The following PPP1R37 variants were observed in gnomAD, a reference collection of about 807,000 sequenced individuals.
PPP1R37 encodes protein phosphatase 1 regulatory subunit 37, also known as leucine rich repeat containing 68.
In PPP1R37, 21 loss-of-function variants were observed where a neutral mutation model predicts 61.0. That is an observed-to-expected ratio of 0.34 (90% CI 0.24 to 0.50). PPP1R37 has a LOEUF of 0.50. Among genes scored for constraint, PPP1R37 ranks in the 20% least tolerant of loss-of-function variants. The probability of loss-of-function intolerance (pLI) is 0.98; values close to 1 mark genes in which losing one functional copy is unlikely to be tolerated. For missense variants in PPP1R37, 910 were observed against 952.7 expected (o/e 0.96, Z 0.59); for synonymous variants, 443 against 433.5 (o/e 1.02, Z -0.27).
intron 1 of PPP1R37, among the ~76,000 whole-genome samples, chr19:45,098,514 G>A (rs1353572065): frequency 6.6e-6 from 1 of 152,210 alleles, no homozygotes; most frequent in African/African-American, 2.4e-5. Context: ...CCTCCAGTGT[G>A]TGTGCGTTGG....
Position 45,145,696 on chromosome 19 carries a change from G to A in PPP1R37, c.1640G>A (p.Gly547Asp), listed in dbSNP as rs1453861701. The stretch of plus-strand genomic sequence containing the variant: ...GGCCCTGGGGACAGGAGTCCCCCAG[G>A]CAGCCCCTCCACACCCACCGAGCAG... Reference protein sequence around the residue: ...SLGPGDRSPPGSPSTPTEQRI... With the variant: ...SLGPGDRSPPDSPSTPTEQRI... The change falls in exon 11 of 13, where the codon GGC becomes GAC. Residue 547 changes from glycine (G) to aspartate (D), a missense_variant. By Grantham distance (94) the Gly-to-Asp change is moderately conservative (BLOSUM62 -1). Transcript: ENST00000221462. The A allele has an allele frequency of 6.5e-7, 1 of 1,534,504 alleles. No individual in the cohort carries two copies. The highest frequency in any genetic ancestry group is 2.4e-5 in the East Asian group (1 of 40,878).
chr19:45,119,110 T>C (rs1968306805), intron 1 of PPP1R37, among the ~76,000 whole-genome samples: 1 of 151,716 alleles, frequency 6.6e-6, no homozygotes, highest in African/African-American at 2.4e-5. Flanking sequence ...TGCCCCAGCC[T>C]CCCGAGTAGC....
rs1202501558 is a variant in PPP1R37, at chr19:45,121,876, C to G, written c.203-16638C>G. On this transcript the variant is annotated intron_variant, in intron 1 of 12. Transcript: ENST00000221462. This position sits in a 1 kb window ranked among gnomAD's most constrained non-coding sequence, Gnocchi z 4.2. ...ACTGCATTGGGCTTACATGACTGAT[C>G]AGACTCTGATTCTGTGTGGAGCAGC... Among the ~76,000 whole-genome samples, 4 of 152,212 alleles carry G rather than the reference C, an allele frequency of 2.6e-5. No individual in the cohort carries two copies. Among genetic ancestry groups the G allele is most frequent in the Non-Finnish European group, 4.4e-5 (3 of 68,036 alleles).
rs1333015247 is a variant in PPP1R37, at chr19:45,130,961, T to C, written c.203-7553T>C. On this transcript the variant is annotated intron_variant, in intron 1 of 12. Coordinates refer to ENST00000221462, the MANE Select transcript of PPP1R37 (RefSeq NM_019121.2). This position sits in a 1 kb window ranked among gnomAD's most constrained non-coding sequence, Gnocchi z 4.4. ...CCGCACAGTGTTGCTTCCTGGTGTT[T>C]TGACTCCCACTTGGATGACTGTGTC... is the stretch of plus-strand genomic sequence containing the variant. Among the ~76,000 whole-genome samples the C allele has an allele frequency of 6.6e-6, 1 of 152,100 alleles. No individual in the cohort carries two copies. The highest frequency in any genetic ancestry group is 1.5e-5 in the Non-Finnish European group (1 of 68,008).
rs543079300 is a variant in PPP1R37, at chr19:45,117,331, A to G, written c.203-21183A>G. 1.5e-4 allele frequency among the ~76,000 whole-genome samples: 23 copies of G among 152,232 alleles called. No individual in the cohort carries two copies. In the East Asian group the frequency reaches 3.7e-3, roughly 24 times the overall value. On this transcript the variant is annotated intron_variant, in intron 1 of 12. Transcript: ENST00000221462. ...GTTGCAGACCCGGAGGCGGGAACAA[A>G]CCACAAAGCCTGTAGAGTGGCTGAG...
At chr19:45,107,869 A>G (rs997464135) in intron 1 of PPP1R37, among the ~76,000 whole-genome samples, 1 of 152,246 alleles carries the variant, frequency 6.6e-6, no homozygotes, top group African/African-American at 2.4e-5. Flanking sequence ...TTTTTTAGAA[A>G]GCATGATTTA....
In PPP1R37 at chr19:45,144,949, C is replaced by T. The variant is rs1968666725; in HGVS notation, c.1083C>T (p.Arg361=). Residue 361 remains arginine (R), a synonymous_variant, in exon 9 of 13, where the codon CGC becomes CGT. Transcript: ENST00000221462. ...TCAAGAACGGGCTCATCAGCAACCG[C>T]AGCGTGCTGCGCCTCGGGCTGGCCT... The part of the protein sequence containing the change: ...RHLKNGLISN[R]SVLRLGLAST... The T allele has an allele frequency of 1.3e-6, 2 of 1,535,702 alleles. No individual in the cohort carries two copies. Among genetic ancestry groups the T allele is most frequent in the East Asian group, 4.9e-5 (2 of 40,906 alleles).
chr19:45,125,171 A>G (rs1968388621), intron 1 of PPP1R37, among the ~76,000 whole-genome samples: 3 of 152,078 alleles, frequency 2.0e-5, no homozygotes, highest in Admixed American at 2.0e-4. Context: ...TATCTCTTTA[A>G]TCTCTGAGCT....
intron 1 of PPP1R37, among the ~76,000 whole-genome samples, chr19:45,099,083 C>T (rs906699920): frequency 1.6e-4 from 24 of 152,124 alleles, no homozygotes; most frequent in African/African-American, 2.4e-5. Context: ...CAAATGCCTC[C>T]CTTGTTATTC....
Position 45,121,726 on chromosome 19 carries a change from G to A in PPP1R37, c.203-16788G>A, listed in dbSNP as rs949404699. Among the ~76,000 whole-genome samples, 2 of 152,332 alleles carry A rather than the reference G, an allele frequency of 1.3e-5. No homozygotes were observed. The highest frequency in any genetic ancestry group is 1.9e-4 in the East Asian group (1 of 5,178). Reference sequence around the variant, plus strand: ...CGCGGTGGGGTGCTGGGGCCTCCACGGGCGTCATTCTGTGGTTGCTCCAGG... The same window carrying A: ...CGCGGTGGGGTGCTGGGGCCTCCACAGGCGTCATTCTGTGGTTGCTCCAGG... On this transcript the variant is annotated intron_variant, in intron 1 of 12. Transcript: ENST00000221462. The surrounding 1 kb of genome is among the most constrained non-coding windows in gnomAD (Gnocchi z 4.2).
chr19:45,119,938 G>A (rs1055492692), intron 1 of PPP1R37, among the ~76,000 whole-genome samples: 29 of 152,064 alleles, frequency 1.9e-4, no homozygotes, highest in Admixed American at 1.8e-3. Context: ...CCTGGTTCCC[G>A]GCTGCTTCAC....
At chr19:45,111,400 G>A (rs1168998565) in intron 1 of PPP1R37, among the ~76,000 whole-genome samples, 1 of 152,000 alleles carries the variant, frequency 6.6e-6, no homozygotes, top group African/African-American at 2.4e-5. Context: ...ACAGCCTCCT[G>A]AGTAGCTGGG....
In PPP1R37 at chr19:45,121,719, C is replaced by T. The variant is rs550516386; in HGVS notation, c.203-16795C>T. On this transcript the variant is annotated intron_variant, in intron 1 of 12. Coordinates refer to ENST00000221462, the MANE Select transcript of PPP1R37 (RefSeq NM_019121.2). This position sits in a 1 kb window ranked among gnomAD's most constrained non-coding sequence, Gnocchi z 4.2. ...GGATGCCCGCGGTGGGGTGCTGGGG[C>T]CTCCACGGGCGTCATTCTGTGGTTG... Among the ~76,000 whole-genome samples, 5 of 152,286 alleles carry T rather than the reference C, an allele frequency of 3.3e-5. No homozygotes were observed. The East Asian group carries it at 9.7e-4, about 29-fold the overall frequency.
At chr19:45,145,305 G>A (rs1438901414) in intron 10 of PPP1R37, 45 bp downstream of exon 10, 18 of 1,521,166 alleles carry the variant, frequency 1.2e-5, no homozygotes, top group Middle Eastern at 1.7e-4. Flanking sequence ...GCGGAAGGCC[G>A]GGTGGTGGGG....
Position 45,145,781 on chromosome 19 carries a change from G to A in PPP1R37, c.1725G>A (p.Glu575=). 1 of 1,509,578 alleles carries A rather than the reference G, an allele frequency of 6.6e-7. No individual in the cohort carries two copies. Among genetic ancestry groups the A allele is most frequent in the Admixed American group, 2.0e-5 (1 of 49,308 alleles). 93.5% of individuals were successfully genotyped at this position (1,509,578 alleles called of 1,614,324 possible). Residue 575 remains glutamate, a synonymous_variant, in exon 11 of 13, where the codon GAG becomes GAA. Transcript: ENST00000221462. ...GHKVFVVTRV[E]SPPERAEPPA... ...AGGTGTTTGTGGTGACCCGGGTGGA[G>A]AGCCCGCCCGAGAGGGCAGAGCCCC...
intron 1 of PPP1R37, among the ~76,000 whole-genome samples, chr19:45,109,453 A>C (rs1019571229): frequency 1.3e-5 from 2 of 152,118 alleles, no homozygotes; most frequent in Non-Finnish European, 2.9e-5. Context: ...CCGGCCTGGG[A>C]AAAGGGTTAG....
In PPP1R37 at chr19:45,141,404, C is replaced by T. The variant is rs760184373; in HGVS notation, c.530C>T (p.Thr177Ile). Residue 177 changes from threonine (T) to isoleucine (I), a missense_variant, in exon 5 of 13, where the codon ACC becomes ATC. This residue lies in a region of PPP1R37 where 280 missense variants were observed against 382.2 expected (regional missense o/e 0.73). Coordinates refer to ENST00000221462, the MANE Select transcript of PPP1R37 (RefSeq NM_019121.2). ...ATCTCCTTCAACAAGCACATCGGCA[C>T]CCGGGGCTGGCAGGCGGCCGCCCAC... ...LNISFNKHIGTRGWQAAAHMM... is the reference protein window; with the variant it reads ...LNISFNKHIGIRGWQAAAHMM... 4.6e-6 allele frequency: 7 copies of T among 1,536,030 alleles called. No homozygotes were observed. In the East Asian group the frequency reaches 1.2e-4, roughly 27 times the overall value.
chr19:45,107,008 G>A (rs1171901205), intron 1 of PPP1R37, among the ~76,000 whole-genome samples: 1 of 151,412 alleles, frequency 6.6e-6, no homozygotes, highest in Non-Finnish European at 1.5e-5. Context: ...AGTAGAGACG[G>A]GATTTCACCA....
At chr19:45,143,686 C>CA (rs1968644203) in intron 8 of PPP1R37, 53 bp downstream of exon 8, 1 of 1,050,738 alleles carries the variant, frequency 9.5e-7, no homozygotes, top group Non-Finnish European at 1.4e-6. Context: ...TGCCACCTCC[C>CA]ACTCCAGCTC....
Sources: allele counts gnomAD v4.1 joint callset (sites outside exome capture counted in the v4.1 genomes callset), GRCh38; gene constraint gnomAD v4.1.1; regional missense constraint gnomAD v4.1.1; non-coding constraint Gnocchi (gnomAD v3.1); transcripts MANE v1.5; gene names NCBI Gene and HGNC (gene_info 2026-07-23, HGNC 2026-07-21).